DPP10: variants seen among roughly 807,000 people sequenced by gnomAD.
The protein encoded by DPP10 is inactive dipeptidyl peptidase 10.
Under a neutral mutation model 120.9 loss-of-function variants are expected in DPP10, and 33 were observed. That is an observed-to-expected ratio of 0.27 (90% confidence interval 0.21 to 0.37). The LOEUF (loss-of-function observed/expected upper bound fraction) is 0.37, where lower values mean the gene tolerates loss of function less well. Among genes scored for constraint, DPP10 ranks in the 10% least tolerant of loss-of-function variants. DPP10 has a pLI of 1.00. For missense variants in DPP10, 816 were observed against 942.8 expected (o/e 0.87, Z 1.76); for synonymous variants, 337 against 326.1 (o/e 1.03, Z -0.36).
At chr2:115,745,618 A>T (rs146051936) in intron 9 of DPP10, among the ~76,000 whole-genome samples, 38 of 150,770 alleles carry the variant, frequency 2.5e-4, no homozygotes, top group African/African-American at 9.2e-4. Flanking sequence ...TTTTAAGCAC[A>T]GGGCACCTGG....
Position 115,793,010 on chromosome 2 carries a change from G to A in DPP10, c.1700+1654G>A, listed in dbSNP as rs149358460. ...CACATAGGGGGAAAACCGAATAAGA[G>A]TTAACAGAATCTCTTTGTTTTCTGA... is the stretch of plus-strand genomic sequence containing the variant. On this transcript the variant is annotated intron_variant, in intron 19 of 25. Coordinates refer to ENST00000410059, the MANE Select transcript of DPP10 (RefSeq NM_020868.6). Among the ~76,000 whole-genome samples, 6 of 152,320 alleles carry A rather than the reference G, an allele frequency of 3.9e-5. No homozygotes were observed. The East Asian group carries it at 1.2e-3, about 29-fold the overall frequency.
intron 2 of DPP10, among the ~76,000 whole-genome samples, chr2:115,318,234 G>C (rs1405610569): frequency 6.6e-6 from 1 of 151,844 alleles, no homozygotes; most frequent in Non-Finnish European, 1.5e-5. Context: ...AACCTTCCTT[G>C]GTTATAGATA....
intron 1 of DPP10, among the ~76,000 whole-genome samples, chr2:114,862,274 GA>G (rs5833566): frequency 0.97 from 146,885 of 150,744 alleles, 71,676 homozygotes; most frequent in East Asian, 1. Context: ...TGTCCAAGTG[GA>G]AAAAAAAAAA....
intron 1 of DPP10, among the ~76,000 whole-genome samples, chr2:114,872,998 C>T (rs1690821766): frequency 6.6e-6 from 1 of 152,154 alleles, no homozygotes; most frequent in Non-Finnish European, 1.5e-5. Flanking sequence ...CACATGGAAA[C>T]CAAGCACCCT....
intron 1 of DPP10, among the ~76,000 whole-genome samples, chr2:114,511,599 T>C (rs1684152428): frequency 2.0e-5 from 3 of 152,226 alleles, no homozygotes; most frequent in Admixed American, 6.5e-5. Flanking sequence ...ACCTTAGAGT[T>C]ACACATTTTC....
intron 1 of DPP10, among the ~76,000 whole-genome samples, chr2:114,663,668 T>TATATATATATATATATATATATAGAG: frequency 1.2e-5 from 1 of 80,740 alleles, no homozygotes; most frequent in Non-Finnish European, 2.0e-5. Flanking sequence ...TATATATATA[T>TATATATATATATATATATATATAGAG]AGAGAGAGAG....
In DPP10 at chr2:115,727,873, C is replaced by T; in HGVS notation, c.634C>T (p.Arg212Ter). Residue 212 changes from arginine to a stop codon, truncating the protein, a stop_gained, in exon 8 of 26, where the codon CGA (arginine) becomes TGA (stop). Transcript: ENST00000410059. LOFTEE classifies it high-confidence loss of function. Reference sequence around the variant, plus strand: ...ACCTGATATAAAGAGCAGTTCATTGCGACTGACATCTTCTGGAAAAGAAGA... The same window carrying T: ...ACCTGATATAAAGAGCAGTTCATTGTGACTGACATCTTCTGGAAAAGAAGA... ...YQPDIKSSSL[R>*]LTSSGKEEII... 2 of 1,605,800 alleles carry T rather than the reference C, an allele frequency of 1.2e-6. No homozygotes were observed. Among genetic ancestry groups the T allele is most frequent in the East Asian group, 2.3e-5 (1 of 44,200 alleles).
chr2:114,769,260 T>G (rs1383051392), intron 1 of DPP10, among the ~76,000 whole-genome samples: 2 of 152,146 alleles, frequency 1.3e-5, no homozygotes, highest in Non-Finnish European at 2.9e-5. Flanking sequence ...GCTTGATAAC[T>G]GTTTGAATTC....
intron 1 of DPP10, among the ~76,000 whole-genome samples, chr2:115,025,491 G>C (rs1457211657): frequency 1.3e-5 from 2 of 151,988 alleles, no homozygotes; most frequent in Non-Finnish European, 2.9e-5. Flanking sequence ...TTGATAGATT[G>C]ATTTCCTTTC....
intron 5 of DPP10, among the ~76,000 whole-genome samples, chr2:115,557,649 A>G (rs1353884856): frequency 6.6e-6 from 1 of 152,204 alleles, no homozygotes; most frequent in Non-Finnish European, 1.5e-5. Flanking sequence ...AAATACTCAG[A>G]CATACCCAGC....
chr2:115,827,251 G>A (rs1054864153), intron 21 of DPP10, among the ~76,000 whole-genome samples: 58 of 149,874 alleles, frequency 3.9e-4, no homozygotes, highest in African/African-American at 1.3e-3. Context: ...GTAATAAGCT[G>A]TAAACAGGTC....
intron 1 of DPP10, among the ~76,000 whole-genome samples, chr2:115,063,625 C>T (rs749760028): frequency 1.3e-5 from 2 of 152,112 alleles, no homozygotes; most frequent in Non-Finnish European, 2.9e-5. Flanking sequence ...TGTCTATAAC[C>T]ATCTGATCTT....
rs1234999081 is a variant in DPP10 at position 114,937,197 on chromosome 2, A to G, written c.61-372042A>G. ...ATGTCTAGAAGGGTTTTCTGAAGTTATCTTCTAGGATCTTTATGGTTTCAG... is the reference window on the plus strand; with the variant it reads ...ATGTCTAGAAGGGTTTTCTGAAGTTGTCTTCTAGGATCTTTATGGTTTCAG... On this transcript the variant is annotated intron_variant, in intron 1 of 25. Coordinates refer to ENST00000410059, the MANE Select transcript of DPP10 (RefSeq NM_020868.6). Among the ~76,000 whole-genome samples the G allele has an allele frequency of 2.0e-5, 3 of 152,094 alleles. No individual in the cohort carries two copies. In the East Asian group the frequency reaches 5.8e-4, roughly 29 times the overall value.
intron 1 of DPP10, among the ~76,000 whole-genome samples, chr2:114,942,320 T>TATATACATATATATATATATATAC (rs869121143): frequency 4.0e-5 from 5 of 123,982 alleles, no homozygotes; most frequent in African/African-American, 1.6e-4. Context: ...TATATATATA[T>TATATACATATATATATATATATAC]ACACACACAT....
intron 1 of DPP10, among the ~76,000 whole-genome samples, chr2:114,900,634 T>C (rs1356622135): frequency 6.6e-6 from 1 of 152,202 alleles, no homozygotes; most frequent in Non-Finnish European, 1.5e-5. Context: ...TTTCTTTCAT[T>C]CTTTAGCTTA....
intron 1 of DPP10, among the ~76,000 whole-genome samples, chr2:114,721,640 G>T (rs1352196835): frequency 6.6e-6 from 1 of 152,140 alleles, no homozygotes; most frequent in Non-Finnish European, 1.5e-5. Flanking sequence ...CTGCCCAAAA[G>T]TGCCTGCTGA....
At chr2:115,585,990 A>T (rs2082265388) in intron 5 of DPP10, among the ~76,000 whole-genome samples, 1 of 152,132 alleles carries the variant, frequency 6.6e-6, no homozygotes, top group South Asian at 2.1e-4. Flanking sequence ...GTCCTTTTTG[A>T]TATGTATTTG....
At chr2:114,477,504 C>T (rs1465428929) in intron 1 of DPP10, among the ~76,000 whole-genome samples, 1 of 136,594 alleles carries the variant, frequency 7.3e-6, no homozygotes, top group Non-Finnish European at 1.6e-5. Flanking sequence ...CGTATATACA[C>T]ATTTATGTGT....
intron 1 of DPP10, among the ~76,000 whole-genome samples, chr2:114,528,226 G>A (rs1685666111): frequency 6.6e-6 from 1 of 152,206 alleles, no homozygotes; most frequent in Non-Finnish European, 1.5e-5. Context: ...TAAGGGATCA[G>A]TCTGAGTGCC....
Sources: gnomAD v4.1 joint callset for allele counts (sites outside exome capture counted in the v4.1 genomes callset) on GRCh38, gnomAD v4.1.1 for gene constraint, MANE v1.5 for transcripts, NCBI Gene and HGNC (gene_info 2026-07-23, HGNC 2026-07-21) for gene names.